The following ELAVL2 variants were observed in gnomAD, a reference collection of about 807,000 sequenced individuals.
The protein encoded by ELAVL2 is ELAV-like protein 2.
A neutral mutation model predicts 34.6 loss-of-function variants in ELAVL2; 4 were observed. The ratio of observed to expected loss-of-function variants is 0.12; its 90% confidence interval spans 0.06 to 0.26. ELAVL2 has a LOEUF of 0.26. Ranked by LOEUF, ELAVL2 falls within the 10% of genes least tolerant of loss-of-function variation. ELAVL2 has a pLI of 1.00. For missense variants in ELAVL2, 432 were observed against 442.8 expected, an observed-to-expected ratio of 0.98 and a Z score of 0.22; for synonymous variants, 193 against 154.8, an observed-to-expected ratio of 1.25 and a Z score of -1.83.
the ELAVL2 span, among the ~76,000 whole-genome samples, chr9:23,843,193 A>T: frequency 1.9e-3 from 286 of 152,250 alleles, 5 homozygotes; most frequent in East Asian, 0.049. Context: ...ATGCTATTCA[A>T]ACTCACAAGT....
chr9:23,803,125 C>G (rs1321972897), intron 1 of ELAVL2, among the ~76,000 whole-genome samples: 1 of 152,146 alleles, frequency 6.6e-6, no homozygotes, highest in East Asian at 1.9e-4. Flanking sequence ...TCCAACTACT[C>G]TCCTTACCTT....
At chr9:23,783,826 C>T (rs34060467) in intron 1 of ELAVL2, among the ~76,000 whole-genome samples, 1 of 152,074 alleles carries the variant, frequency 6.6e-6, no homozygotes, top group East Asian at 1.9e-4. Context: ...CAGAGAAAAG[C>T]CATGTGCACT....
chr9:23,768,716 C>A (rs1360010779), intron 1 of ELAVL2, among the ~76,000 whole-genome samples: 3 of 152,082 alleles, frequency 2.0e-5, no homozygotes, highest in Admixed American at 6.5e-5. Flanking sequence ...CTACAAAACC[C>A]TGGAAGACAA....
At chr9:23,750,351 G>A (rs765672837) in intron 2 of ELAVL2, among the ~76,000 whole-genome samples, 11 of 145,562 alleles carry the variant, frequency 7.6e-5, no homozygotes, top group African/African-American at 2.0e-4. Context: ...GTAACAAATC[G>A]GTATTAACAA....
At position 23,738,178 on chromosome 9, in the gene ELAVL2, C is replaced by A. The variant is rs192372580; in HGVS notation, c.230-7053G>T. On this transcript the variant is annotated intron_variant, in intron 2 of 6. Transcript: ENST00000397312. ...ACTCGCACCAGACTTCACAAAGGAG[C>A]TTTCTTAATATCTCAGATCTGATAC... Among the ~76,000 whole-genome samples the A allele has an allele frequency of 9.2e-5, 14 of 152,350 alleles. No homozygotes were observed. The East Asian group carries it at 2.3e-3, about 25-fold the overall frequency.
intron 1 of ELAVL2, among the ~76,000 whole-genome samples, chr9:23,808,769 G>A (rs889339996): frequency 6.6e-6 from 1 of 152,114 alleles, no homozygotes; most frequent in African/African-American, 2.4e-5. Context: ...GAATGAGAGA[G>A]AGAAAGAAAT....
chr9:23,759,754 T>TATATATATATATATATATA (rs1554719969), intron 2 of ELAVL2, among the ~76,000 whole-genome samples: 1 of 81,352 alleles, frequency 1.2e-5, no homozygotes, highest in African/African-American at 4.3e-5. Flanking sequence ...ATATATAGTA[T>TATATATATATATATATATA]TATATATATA....
intron 1 of ELAVL2, among the ~76,000 whole-genome samples, chr9:23,824,054 G>T (rs1459930753): frequency 1.3e-5 from 2 of 152,178 alleles, no homozygotes; most frequent in Non-Finnish European, 2.9e-5. Flanking sequence ...AGAAAGTACA[G>T]AGACCTCCAT....
At chr9:23,760,655 CATCT>C (rs754234270) in intron 2 of ELAVL2, among the ~76,000 whole-genome samples, 28 of 152,012 alleles carry the variant, frequency 1.8e-4, no homozygotes, top group African/African-American at 6.3e-4. Context: ...AAATCTCATC[CATCT>C]GATTATCAGT....
At chr9:23,835,441 T>A in the ELAVL2 span, among the ~76,000 whole-genome samples, 8 of 152,250 alleles carry the variant, frequency 5.3e-5, no homozygotes, top group East Asian at 1.2e-3. Flanking sequence ...CACTTATATT[T>A]TTATAGGCTA....
In ELAVL2 at chr9:23,789,083, A is replaced by G. The variant is rs78306556; in HGVS notation, c.-15-26834T>C. 7.9e-4 allele frequency among the ~76,000 whole-genome samples: 120 copies of G among 152,210 alleles called. No individual in the cohort carries two copies. In the East Asian group the frequency reaches 0.012, roughly 16 times the overall value. ...GGCAGTGTAAGAATATAGTCCCCCA[A>G]TTTTTTCCTTCTTACCATTACAACT... is the stretch of plus-strand genomic sequence containing the variant. On this transcript the variant is annotated intron_variant, in intron 1 of 6. Coordinates refer to ENST00000397312, the MANE Select transcript of ELAVL2 (RefSeq NM_004432.5).
the ELAVL2 span, among the ~76,000 whole-genome samples, chr9:23,850,516 G>A: frequency 6.6e-6 from 1 of 152,020 alleles, no homozygotes; most frequent in African/African-American, 2.4e-5. Context: ...CAATAGCCCC[G>A]GCTGGGTGCA....
chr9:23,695,166 A>C (rs2034694903), intron 5 of ELAVL2, among the ~76,000 whole-genome samples: 3 of 152,344 alleles, frequency 2.0e-5, no homozygotes, highest in Admixed American at 2.0e-4. Flanking sequence ...CAATAAAGAC[A>C]AACACATATT....
At chr9:23,796,739 A>T (rs552972340) in intron 1 of ELAVL2, among the ~76,000 whole-genome samples, 1 of 152,150 alleles carries the variant, frequency 6.6e-6, no homozygotes, top group South Asian at 2.1e-4. Flanking sequence ...TAGCTCTATA[A>T]TTTTTTTTCA....
intron 3 of ELAVL2, among the ~76,000 whole-genome samples, chr9:23,711,078 G>C (rs1024070984): frequency 6.6e-6 from 1 of 152,160 alleles, no homozygotes; most frequent in African/African-American, 2.4e-5. Flanking sequence ...ATAAGGAAGG[G>C]CATATTTCAC....
intron 3 of ELAVL2, among the ~76,000 whole-genome samples, chr9:23,718,316 C>A (rs1046270636): frequency 5.3e-5 from 8 of 151,974 alleles, no homozygotes; most frequent in Non-Finnish European, 1.2e-4. Context: ...ACAAGTAAAC[C>A]ATACGCTATC....
intron 1 of ELAVL2, among the ~76,000 whole-genome samples, chr9:23,798,973 A>G (rs2061282855): frequency 6.6e-6 from 1 of 152,000 alleles, no homozygotes; most frequent in Admixed American, 6.6e-5. Flanking sequence ...AAACTTGATC[A>G]TTTTCTTCCT....
chr9:23,703,071 A>T (rs980635547), intron 4 of ELAVL2, among the ~76,000 whole-genome samples: 47 of 150,312 alleles, frequency 3.1e-4, no homozygotes, highest in African/African-American at 1.1e-3. Context: ...TCAGAGATTT[A>T]TTCAGTAGGT....
At chr9:23,827,393 A>G (rs2065355309), upstream of ELAVL2, among the ~76,000 whole-genome samples, 1 of 152,206 alleles carries the variant, frequency 6.6e-6, no homozygotes, top group Non-Finnish European at 1.5e-5. Context: ...CCTCTAAGTG[A>G]AAGTGAGGTC....
Sources: gnomAD v4.1 joint callset for allele counts (sites outside exome capture counted in the v4.1 genomes callset) on GRCh38, gnomAD v4.1.1 for gene constraint, MANE v1.5 for transcripts, NCBI Gene and HGNC (gene_info 2026-07-23, HGNC 2026-07-21) for gene names.